The following ZNF284 variants were observed in gnomAD, a reference collection of about 807,000 sequenced individuals.
ZNF284 encodes the protein zinc finger protein 284.
ZNF284 carries 12 observed loss-of-function variants against 12.9 expected under a neutral mutation model. The observed-to-expected ratio is 0.93, with a 90% confidence interval of 0.60 to 1.51. ZNF284 has a LOEUF of 1.51. ZNF284 is among the 40% of genes most tolerant of loss of function. The pLI, the probability that ZNF284 is intolerant of heterozygous loss-of-function variation, is 0.00. For missense variants in ZNF284, 667 were observed against 707.3 expected, an observed-to-expected ratio of 0.94 and a Z score of 0.65; for synonymous variants, 225 against 236.5, an observed-to-expected ratio of 0.95 and a Z score of 0.45.
chr19:44,082,464 G>A (rs1009074674), intron 4 of ZNF284, among the ~76,000 whole-genome samples: 3 of 152,138 alleles, frequency 2.0e-5, no homozygotes, highest in African/African-American at 7.2e-5. Context: ...TTCCAGCCAC[G>A]TTGTACTCCC....
Position 44,086,843 on chromosome 19 carries a change from T to A in ZNF284, c.1365T>A (p.Tyr455Ter), listed in dbSNP as rs201571109. 36 of 1,614,058 alleles carry A rather than the reference T, an allele frequency of 2.2e-5. No individual in the cohort carries two copies. The highest frequency in any genetic ancestry group is 2.9e-5 in the Non-Finnish European group (34 of 1,179,998). The change falls in exon 5 of 5, where the codon TAT (tyrosine) becomes TAA (stop). Residue 455 changes from tyrosine to a stop codon, truncating the protein, a stop_gained. Transcript: ENST00000421176. LOFTEE classifies it low-confidence loss of function (END_TRUNC). ...HQRVHTGERP[Y>*]NCKECGKSFR... ...GGGTCCACACGGGAGAGAGACCTTATAATTGTAAGGAATGTGGAAAGAGCT... is the reference window on the plus strand; with the variant it reads ...GGGTCCACACGGGAGAGAGACCTTAAAATTGTAAGGAATGTGGAAAGAGCT...
At chr19:44,082,243 C>G (rs923209539) in intron 4 of ZNF284, 138 bp downstream of exon 4, 1 of 629,616 alleles carries the variant, frequency 1.6e-6, no homozygotes, top group Non-Finnish European at 2.8e-6. Flanking sequence ...GCTGGTTGTC[C>G]TGCTCCCCCA....
At chr19:44,074,878 T>G (rs2055895551) in intron 1 of ZNF284, among the ~76,000 whole-genome samples, 1 of 152,138 alleles carries the variant, frequency 6.6e-6, no homozygotes, top group African/African-American at 2.4e-5. Flanking sequence ...CGTGCGCCTG[T>G]AATCCCAGCT....
Position 44,082,063 on chromosome 19 carries a change from T to TTTTG in ZNF284, c.194_197dup (p.Trp66CysfsTer21). The TTTTG allele has an allele frequency of 1.9e-6, 3 of 1,613,334 alleles. No homozygotes were observed. Among genetic ancestry groups the TTTTG allele is most frequent in the Non-Finnish European group, 1.7e-6 (2 of 1,179,684 alleles). On this transcript the variant is annotated frameshift_variant, in exon 4 of 5. Coordinates refer to ENST00000421176, the MANE Select transcript of ZNF284 (RefSeq NM_001037813.4). LOFTEE classifies it low-confidence loss of function (END_TRUNC). ...TTTTCACTTCCAAAGAGAAGAAAAG[T>TTTTG]TTTGGATCATGGAGACAGCAACCCA...
At chr19:44,073,363 T>G (rs1966977147) in intron 1 of ZNF284, among the ~76,000 whole-genome samples, 1 of 152,226 alleles carries the variant, frequency 6.6e-6, no homozygotes, top group Admixed American at 6.5e-5. Context: ...GGGCTTGGAC[T>G]GTTCTGGGAG....
At position 44,086,971 on chromosome 19, in the gene ZNF284, T is replaced by G; in HGVS notation, c.1493T>G (p.Leu498Arg). Residue 498 changes from leucine (L) to arginine (R), a missense_variant, in exon 5 of 5, where the codon CTT becomes CGT. Physicochemically the swap from Leu to Arg is moderately radical, Grantham distance 102. Coordinates refer to ENST00000421176, the MANE Select transcript of ZNF284 (RefSeq NM_001037813.4). Reference sequence around the variant, plus strand: ...AAGAGGTTTACTGAGAATTCAAAACTTCGTTTCCATCAAAGAATTCACACT... The same window carrying G: ...AAGAGGTTTACTGAGAATTCAAAACGTCGTTTCCATCAAAGAATTCACACT... ...CGKRFTENSK[L>R]RFHQRIHTGE... The G allele has an allele frequency of 6.2e-7, 1 of 1,614,172 alleles. No individual in the cohort carries two copies. Among genetic ancestry groups the G allele is most frequent in the Non-Finnish European group, 8.5e-7 (1 of 1,180,034 alleles).
intron 2 of ZNF284, among the ~76,000 whole-genome samples, chr19:44,077,548 T>TTTTTTTTTTTTA (rs1967051638): frequency 6.6e-6 from 1 of 150,394 alleles, no homozygotes; most frequent in Non-Finnish European, 1.5e-5. Context: ...TTTTTTTTTT[T>TTTTTTTTTTTTA]TTTTTTTTTT....
At chr19:44,077,889 C>A (rs750773033) in intron 2 of ZNF284, among the ~76,000 whole-genome samples, 7 of 152,088 alleles carry the variant, frequency 4.6e-5, no homozygotes, top group African/African-American at 1.7e-4. Flanking sequence ...CCTCCCTGAC[C>A]CCTCCTCGGG....
chr19:44,086,568 G>C lies in ZNF284; in HGVS notation c.1090G>C (p.Asp364His), dbSNP rs766500887. 8.1e-6 allele frequency: 13 copies of C among 1,614,150 alleles called. No individual in the cohort carries two copies. Among genetic ancestry groups the C allele is most frequent in the Middle Eastern group, 1.6e-4 (1 of 6,062 alleles). The change falls in exon 5 of 5, where the codon GAC (aspartate) becomes CAC (histidine). Residue 364 changes from aspartate (D) to histidine (H), a missense_variant. Coordinates refer to ENST00000421176, the MANE Select transcript of ZNF284 (RefSeq NM_001037813.4). ...CRQDLCKHQM[D>H]HTGDKPYNCN... ...GCAAGATCTTTGTAAGCATCAGATG[G>C]ACCATACAGGAGACAAACCATATAA...
At chr19:44,081,788 A>G (rs1317220955) in intron 3 of ZNF284, among the ~76,000 whole-genome samples, 2 of 152,156 alleles carry the variant, frequency 1.3e-5, no homozygotes, top group Non-Finnish European at 2.9e-5. Flanking sequence ...GAACTCATCC[A>G]CTATCACGAG....
chr19:44,085,804 G>C lies in ZNF284; in HGVS notation c.326G>C (p.Ser109Thr). 1.1e-5 allele frequency: 18 copies of C among 1,614,016 alleles called. No individual in the cohort carries two copies. Among genetic ancestry groups the C allele is most frequent in the Non-Finnish European group, 1.5e-5 (18 of 1,179,994 alleles). Reference sequence around the variant, plus strand: ...CAGCAAATCTGGGAACAAACTGCAAGTGAGTTAACTAGACCTCAAGACTCC... The same window carrying C: ...CAGCAAATCTGGGAACAAACTGCAACTGAGTTAACTAGACCTCAAGACTCC... ...SCQQIWEQTA[S>T]ELTRPQDSIS... Residue 109 changes from serine to threonine, a missense_variant, in exon 5 of 5, where the codon AGT (serine) becomes ACT (threonine). Physicochemically the swap from Ser to Thr is moderately conservative, Grantham distance 58. Transcript: ENST00000421176.
intron 1 of ZNF284, among the ~76,000 whole-genome samples, chr19:44,073,256 T>A (rs921506970): frequency 1.3e-5 from 2 of 152,148 alleles, no homozygotes; most frequent in African/African-American, 4.8e-5. Context: ...TGATAATCTT[T>A]TGGATACATT....
At position 44,076,356 on chromosome 19, in the gene ZNF284, A is replaced by G; in HGVS notation, c.-34A>G. The G allele has an allele frequency of 1.2e-6, 2 of 1,606,434 alleles. No individual in the cohort carries two copies. Among genetic ancestry groups the G allele is most frequent in the South Asian group, 1.1e-5 (1 of 89,880 alleles). Reference sequence around the variant, plus strand: ...TGTCTTCTCTTGAACTGCATAACTGAGAACTCTGCAAATTCCCCAAAGAAG... The same window carrying G: ...TGTCTTCTCTTGAACTGCATAACTGGGAACTCTGCAAATTCCCCAAAGAAG... On this transcript the variant is annotated 5_prime_UTR_variant, in exon 2 of 5. Coordinates refer to ENST00000421176, the MANE Select transcript of ZNF284 (RefSeq NM_001037813.4).
rs375706621 is a variant in ZNF284, at chr19:44,086,700, T to C, written c.1222T>C (p.Phe408Leu). ...TFKCDGCGKR[F>L]YMNSQGHSHQ... The stretch of plus-strand genomic sequence containing the variant: ...CAAGTGCGACGGATGTGGGAAGAGA[T>C]TTTATATGAATTCACAGGGCCATTC... Residue 408 changes from phenylalanine to leucine, a missense_variant, in exon 5 of 5, where the codon TTT becomes CTT. Transcript: ENST00000421176. The C allele has an allele frequency of 2.5e-6, 4 of 1,613,810 alleles. No individual in the cohort carries two copies. The African/African-American group carries it at 5.3e-5, about 22-fold the overall frequency.
chr19:44,083,975 C>A lies in ZNF284; in HGVS notation c.236-1739C>A, dbSNP rs76044189. 5.3e-5 allele frequency among the ~76,000 whole-genome samples: 8 copies of A among 152,274 alleles called. 1 individual carries two copies. In the East Asian group the frequency reaches 1.5e-3, roughly 29 times the overall value. ...GCAGGGAAATCCTTAGGTCTCCAGA[C>A]AGCATGCTTGGGCACCTGCGGCAGG... On this transcript the variant is annotated intron_variant, in intron 4 of 4. Transcript: ENST00000421176.
In ZNF284 at chr19:44,081,060, G is replaced by A. The variant is rs1160150158; in HGVS notation, c.61G>A (p.Glu21Lys). Residue 21 changes from glutamate (E) to lysine (K), a missense_variant, in exon 3 of 5, where the codon GAG becomes AAG. By Grantham distance (56) the Glu-to-Lys change is moderately conservative. Transcript: ENST00000421176. ...TGTGGCTGTGGTCTTCACCGAGGAG[G>A]AGCTGGGGCTGCTGGACGTTTCCCA... ...KDVAVVFTEEELGLLDVSQRK... is the reference protein window; with the variant it reads ...KDVAVVFTEEKLGLLDVSQRK... 1.2e-6 allele frequency: 2 copies of A among 1,613,148 alleles called. No homozygotes were observed. The highest frequency in any genetic ancestry group is 1.7e-6 in the Non-Finnish European group (2 of 1,179,486).
intron 2 of ZNF284, 52 bp downstream of exon 2, chr19:44,076,456 A>G (rs897571340): frequency 1.9e-6 from 3 of 1,581,154 alleles, no homozygotes; most frequent in Non-Finnish European, 2.6e-6. Flanking sequence ...GCTACTTAAG[A>G]TTGTCACATG....
In ZNF284 at chr19:44,083,501, AGGG is replaced by A. The variant is rs1568522594; in HGVS notation, c.235+1397_235+1399del. ...GAGAGAGAGAGAGAGAGAGAGAGAG[AGGG>A]AATGGAATACCATCCTATCTTTACC... is the stretch of plus-strand genomic sequence containing the variant. On this transcript the variant is annotated intron_variant, in intron 4 of 4. Transcript: ENST00000421176. Among the ~76,000 whole-genome samples, 228 of 65,928 alleles carry A rather than the reference AGGG, an allele frequency of 3.5e-3. 34 individuals are homozygous for A. Among genetic ancestry groups the A allele is most frequent in the South Asian group, 6.1e-3 (10 of 1,638 alleles). The allele number at this position is 65,928 out of a possible 152,430, so 43.3% of individuals were successfully genotyped here.
At position 44,087,154 on chromosome 19, in the gene ZNF284, G is replaced by T; in HGVS notation, c.1676G>T (p.Ser559Ile). ...AGTTCATGCCTTCAAGACCAACAAA[G>T]CGACCACAGTGGAGAAAAAACATCC... ...EHSSCLQDQQ[S>I]DHSGEKTSKC... The change falls in exon 5 of 5, where the codon AGC (serine) becomes ATC (isoleucine). Residue 559 changes from serine to isoleucine, a missense_variant. By Grantham distance (142) the Ser-to-Ile change is moderately radical (BLOSUM62 -2). Transcript: ENST00000421176. 6.2e-7 allele frequency: 1 copy of T among 1,614,124 alleles called. No individual in the cohort carries two copies. Among genetic ancestry groups the T allele is most frequent in the South Asian group, 1.1e-5 (1 of 91,076 alleles).
Sources: allele counts gnomAD v4.1 joint callset (sites outside exome capture counted in the v4.1 genomes callset), GRCh38; gene constraint gnomAD v4.1.1; transcripts MANE v1.5; gene names NCBI Gene and HGNC (gene_info 2026-07-23, HGNC 2026-07-21).